RASGEF1C: variants seen among roughly 807,000 people sequenced by gnomAD.
RASGEF1C encodes RasGEF domain family member 1C.
Under a neutral mutation model 58.1 loss-of-function variants are expected in RASGEF1C, and 27 were observed. The observed-to-expected ratio is 0.46, with a 90% confidence interval of 0.34 to 0.64. The LOEUF (loss-of-function observed/expected upper bound fraction) is 0.64. Ranked by LOEUF, RASGEF1C falls within the 30% of genes least tolerant of loss-of-function variation. The pLI, the probability that RASGEF1C is intolerant of heterozygous loss-of-function variation, is 0.01. For synonymous variants in RASGEF1C, 243 were observed against 246.3 expected (o/e 0.99, Z 0.13); for missense variants, 502 against 605.1 (o/e 0.83, Z 1.79).
chr5:180,103,369 A>C (rs180965861), intron 12 of RASGEF1C, among the ~76,000 whole-genome samples: 1 of 152,052 alleles, frequency 6.6e-6, no homozygotes, highest in Non-Finnish European at 1.5e-5. Flanking sequence ...GAGCCACCGC[A>C]CCCGGCACAT....
intron 4 of RASGEF1C, among the ~76,000 whole-genome samples, chr5:180,130,329 C>T (rs1315936832): frequency 3.3e-5 from 5 of 152,196 alleles, no homozygotes. Context: ...CTCAGGAAGG[C>T]TGTGTCCAAA....
chr5:180,109,771 T>A (rs1230324075), intron 12 of RASGEF1C, among the ~76,000 whole-genome samples: 2 of 152,186 alleles, frequency 1.3e-5, no homozygotes, highest in South Asian at 2.1e-4. Flanking sequence ...GGAATACAGG[T>A]GGCCATTAGA....
chr5:180,151,388 G>T (rs1013906652), intron 1 of RASGEF1C, among the ~76,000 whole-genome samples: 3 of 152,192 alleles, frequency 2.0e-5, no homozygotes, highest in African/African-American at 7.2e-5. Context: ...CAATGGAACA[G>T]AACAGAGCCC....
At position 180,109,231 on chromosome 5, in the gene RASGEF1C, T is replaced by C. The variant is rs916054958; in HGVS notation, c.1303+2226A>G. ...CAGCACTTTGGGAGGCTGAGGCGGG[T>C]GGATCATGAGGTCAGGAGATTGAGA... is the stretch of plus-strand genomic sequence containing the variant. On this transcript the variant is annotated intron_variant, in intron 12 of 13. Transcript: ENST00000361132. Among the ~76,000 whole-genome samples the C allele has an allele frequency of 9.3e-5, 14 of 151,126 alleles. No individual in the cohort carries two copies. In the South Asian group the frequency reaches 1.0e-3, roughly 11 times the overall value.
chr5:180,159,809 G>A (rs766359951), intron 1 of RASGEF1C, among the ~76,000 whole-genome samples: 5 of 152,180 alleles, frequency 3.3e-5, no homozygotes, highest in Admixed American at 6.5e-5. Context: ...AAAGTCCCAC[G>A]GGTGTACTTC....
intron 1 of RASGEF1C, among the ~76,000 whole-genome samples, chr5:180,139,912 C>T (rs972952463): frequency 4.6e-5 from 7 of 152,324 alleles, no homozygotes; most frequent in Middle Eastern, 3.4e-3. Context: ...CACCCTGCAA[C>T]GCTGGGCCTG....
chr5:180,199,546 C>T (rs72494564), intron 1 of RASGEF1C, among the ~76,000 whole-genome samples: 17,842 of 152,210 alleles, frequency 0.12, 1,201 homozygotes, highest in East Asian at 0.21. Context: ...ATCCACTGCA[C>T]GTAAAGCAGA....
At position 180,127,649 on chromosome 5, in the gene RASGEF1C, A is replaced by C. The variant is rs2113265428; in HGVS notation, c.674T>G (p.Val225Gly). The change falls in exon 6 of 14, where the codon GTC (valine) becomes GGC (glycine). Residue 225 changes from valine to glycine, a missense_variant. Physicochemically the swap from Val to Gly is moderately radical, Grantham distance 109. Transcript: ENST00000361132. ...RLRHIGPEEF[V>G]QAFVNKDPLA... ...AGGGTCCTTGTTCACAAAGGCCTGG[A>C]CAAACTCCTCAGGCCCGATGTGCCG... 4.3e-6 allele frequency: 7 copies of C among 1,613,384 alleles called. No individual in the cohort carries two copies. Among genetic ancestry groups the C allele is most frequent in the African/African-American group, 1.3e-5 (1 of 75,046 alleles).
At chr5:180,167,239 C>G (rs549088067) in intron 1 of RASGEF1C, among the ~76,000 whole-genome samples, 1 of 152,256 alleles carries the variant, frequency 6.6e-6, no homozygotes, top group Admixed American at 6.5e-5. Flanking sequence ...CCCCCAGAGG[C>G]CTGAGGCTCT....
intron 12 of RASGEF1C, among the ~76,000 whole-genome samples, chr5:180,108,591 A>C (rs1303196433): frequency 6.6e-6 from 1 of 151,938 alleles, no homozygotes; most frequent in East Asian, 1.9e-4. Context: ...TGCCTTCTTT[A>C]TTCTGCTGTT....
intron 1 of RASGEF1C, among the ~76,000 whole-genome samples, chr5:180,199,063 C>T (rs922555964): frequency 1.1e-4 from 17 of 152,172 alleles, no homozygotes; most frequent in African/African-American, 4.1e-4. Flanking sequence ...AAGGACCACA[C>T]CTCTCCTCCC....
chr5:180,111,094 G>A (rs541406443), intron 12 of RASGEF1C, among the ~76,000 whole-genome samples: 2 of 152,184 alleles, frequency 1.3e-5, no homozygotes, highest in South Asian at 2.1e-4. Flanking sequence ...GATTATAGGC[G>A]TGAGTCACTG....
intron 1 of RASGEF1C, among the ~76,000 whole-genome samples, chr5:180,171,521 T>A (rs900232776): frequency 6.6e-6 from 1 of 152,006 alleles, no homozygotes; most frequent in African/African-American, 2.4e-5. Flanking sequence ...CACGTGTGGA[T>A]TGTCTGTTCC....
chr5:180,169,723 T>C (rs923769932), intron 1 of RASGEF1C, among the ~76,000 whole-genome samples: 3 of 152,066 alleles, frequency 2.0e-5, no homozygotes, highest in African/African-American at 7.2e-5. Flanking sequence ...GCACCCTCAT[T>C]GGCTACGTCA....
At chr5:180,191,221 G>T (rs1756156124) in intron 1 of RASGEF1C, among the ~76,000 whole-genome samples, 1 of 152,194 alleles carries the variant, frequency 6.6e-6, no homozygotes, top group Non-Finnish European at 1.5e-5. Context: ...CATTGGAATA[G>T]AATTTGGCAG....
intron 1 of RASGEF1C, among the ~76,000 whole-genome samples, chr5:180,169,432 G>T (rs62406103): frequency 0.032 from 4,890 of 152,150 alleles, 251 homozygotes; most frequent in African/African-American, 0.1. Context: ...TGGAAGCAGC[G>T]TTCACAAATG....
intron 1 of RASGEF1C, among the ~76,000 whole-genome samples, chr5:180,178,423 G>T (rs1410760049): frequency 6.6e-6 from 1 of 151,324 alleles, no homozygotes; most frequent in African/African-American, 2.4e-5. Context: ...GGGACTACAG[G>T]CATGTACTAC....
chr5:180,136,514 G>T lies in RASGEF1C; in HGVS notation c.302C>A (p.Ala101Asp). 6.4e-7 allele frequency: 1 copy of T among 1,570,838 alleles called. No homozygotes were observed. ...QQLDKPVLDKARVRKFGPKLL... is the reference protein window; with the variant it reads ...QQLDKPVLDKDRVRKFGPKLL... ...TTTGGGGCCGAACTTCCGGACCCGG[G>T]CCTACGGGCAAGCGAGGGGCACCGC... Residue 101 changes from alanine (A) to aspartate (D), a missense_variant and splice_region_variant, in exon 4 of 14, where the codon GCC becomes GAC. Physicochemically the swap from Ala to Asp is moderately radical, Grantham distance 126. Coordinates refer to ENST00000361132, the MANE Select transcript of RASGEF1C (RefSeq NM_175062.4).
chr5:180,122,757 A>AC (rs1554112007), intron 6 of RASGEF1C, among the ~76,000 whole-genome samples: 1 of 141,816 alleles, frequency 7.1e-6, no homozygotes, highest in Non-Finnish European at 1.5e-5. Context: ...AAAAAAAAAA[A>AC]CTAAAACAAA....
Sources: allele counts gnomAD v4.1 joint callset (sites outside exome capture counted in the v4.1 genomes callset), GRCh38; gene constraint gnomAD v4.1.1; transcripts MANE v1.5; gene names NCBI Gene and HGNC (gene_info 2026-07-23, HGNC 2026-07-21).